PHLPP1: variants seen among roughly 807,000 people sequenced by gnomAD.
PHLPP1 encodes PH domain leucine-rich repeat-containing protein phosphatase 1.
In PHLPP1, 42 loss-of-function variants were observed where a neutral mutation model predicts 117.2. The observed-to-expected ratio is 0.36, with a 90% CI of 0.28 to 0.46. PHLPP1 has a LOEUF of 0.46. Among genes scored for constraint, PHLPP1 ranks in the 20% least tolerant of loss-of-function variants. The pLI is 1.00. For missense variants in PHLPP1, 2,084 were observed against 2,241.9 expected (o/e 0.93, Z 1.42); for synonymous variants, 1,042 against 970.7 (o/e 1.07, Z -1.37).
intron 1 of PHLPP1, among the ~76,000 whole-genome samples, chr18:62,780,743 T>G (rs1338162750): frequency 6.6e-6 from 1 of 152,228 alleles, no homozygotes; most frequent in Non-Finnish European, 1.5e-5. Context: ...GGAGAACCTC[T>G]GCTGTAGTTT....
chr18:62,868,214 T>A (rs1450594783), intron 4 of PHLPP1, among the ~76,000 whole-genome samples: 2 of 152,318 alleles, frequency 1.3e-5, no homozygotes, highest in Non-Finnish European at 2.9e-5. Flanking sequence ...GACACTTAAG[T>A]AATTACAAAG....
At chr18:62,886,293 T>G (rs953736696) in intron 4 of PHLPP1, among the ~76,000 whole-genome samples, 1 of 152,140 alleles carries the variant, frequency 6.6e-6, no homozygotes, top group East Asian at 1.9e-4. Context: ...TTTGTTTAAT[T>G]TATTTATTTT....
chr18:62,731,566 A>AT (rs1215127717), intron 1 of PHLPP1, among the ~76,000 whole-genome samples: 5 of 152,146 alleles, frequency 3.3e-5, no homozygotes, highest in Non-Finnish European at 7.3e-5. Context: ...TAGTAACCCT[A>AT]TAAAGGCCTA....
chr18:62,950,981 G>GTT (rs770050748), intron 12 of PHLPP1, among the ~76,000 whole-genome samples: 7 of 143,980 alleles, frequency 4.9e-5, no homozygotes, highest in Non-Finnish European at 6.1e-5. Flanking sequence ...ACCCAGACTA[G>GTT]TTTTTTTTTT....
chr18:62,938,335 T>G (rs1910032715), intron 10 of PHLPP1, among the ~76,000 whole-genome samples: 1 of 152,208 alleles, frequency 6.6e-6, no homozygotes, highest in African/African-American at 2.4e-5. Context: ...TTCTGGAGCC[T>G]ATTTATTTAC....
chr18:62,951,812 A>ATTTTTTT (rs34516044), intron 12 of PHLPP1, among the ~76,000 whole-genome samples: 1 of 101,422 alleles, frequency 9.9e-6, no homozygotes, highest in Admixed American at 1.1e-4. Flanking sequence ...CACATAATTA[A>ATTTTTTT]TTTTTTTTTT....
intron 1 of PHLPP1, among the ~76,000 whole-genome samples, chr18:62,761,490 G>A (rs1368030166): frequency 3.3e-5 from 5 of 151,980 alleles, no homozygotes; most frequent in African/African-American, 9.6e-5. Flanking sequence ...AAAATTAGCC[G>A]GATGTGGTGG....
chr18:62,801,456 T>A (rs2144300648), intron 1 of PHLPP1, among the ~76,000 whole-genome samples: 1 of 151,834 alleles, frequency 6.6e-6, no homozygotes, highest in South Asian at 2.1e-4. Context: ...CAGAAATTGT[T>A]AGTTAGTATA....
At chr18:62,930,497 G>C (rs493082) in intron 10 of PHLPP1, among the ~76,000 whole-genome samples, 1 of 151,896 alleles carries the variant, frequency 6.6e-6, no homozygotes, top group Admixed American at 6.6e-5. Flanking sequence ...TAAAGGGTTC[G>C]ATTCAACCAG....
chr18:62,959,187 C>T (rs1432023676), intron 13 of PHLPP1, among the ~76,000 whole-genome samples: 1 of 152,128 alleles, frequency 6.6e-6, no homozygotes, highest in Non-Finnish European at 1.5e-5. Context: ...CTATGTAAAA[C>T]CTTAAAGGTC....
At chr18:62,719,173 C>T (rs1254171365) in intron 1 of PHLPP1, among the ~76,000 whole-genome samples, 1 of 152,144 alleles carries the variant, frequency 6.6e-6, no homozygotes, top group Non-Finnish European at 1.5e-5. Flanking sequence ...CTTACATATA[C>T]TCAGATGTGT....
intron 10 of PHLPP1, among the ~76,000 whole-genome samples, chr18:62,930,503 A>T (rs75006033): frequency 6.6e-6 from 1 of 152,224 alleles, no homozygotes; most frequent in Non-Finnish European, 1.5e-5. Context: ...GTTCGATTCA[A>T]CCAGAAGATT....
At chr18:62,953,360 A>G (rs1029071664) in intron 12 of PHLPP1, among the ~76,000 whole-genome samples, 1 of 152,092 alleles carries the variant, frequency 6.6e-6, no homozygotes, top group Non-Finnish European at 1.5e-5. Context: ...TGCCACACAA[A>G]CGTTATTCTT....
At position 62,979,371 on chromosome 18, in the gene PHLPP1, G is replaced by T. The variant is rs368078737; in HGVS notation, c.5094G>T (p.Pro1698=). The change falls in exon 17 of 17, where the codon CCG becomes CCT. Residue 1698 remains proline, a synonymous_variant. Transcript: ENST00000262719. Reference sequence around the variant, plus strand: ...CGCCACCACCCCCTCAGCTCCAGCCGCAGCTGCCGCGGCACTACCAGCTGG... The same window carrying T: ...CGCCACCACCCCCTCAGCTCCAGCCTCAGCTGCCGCGGCACTACCAGCTGG... ...QQPPPPPQLQ[P]QLPRHYQLDQ... 3 of 1,549,608 alleles carry T rather than the reference G, an allele frequency of 1.9e-6. No homozygotes were observed. Among genetic ancestry groups the T allele is most frequent in the African/African-American group, 2.7e-5 (2 of 73,008 alleles).
In PHLPP1 at chr18:62,868,586, CACTCCAGCCTGAGTGACTG is replaced by C. The variant is rs1401414480; in HGVS notation, c.2066+7987_2066+8005del. On this transcript the variant is annotated intron_variant, in intron 4 of 16. Coordinates refer to ENST00000262719, the MANE Select transcript of PHLPP1 (RefSeq NM_194449.4). ...GCAGTGAGCTGAAATGGCGCCACTG[CACTCCAGCCTGAGTGACTG>C]AGCGAGACTCTGTCTCAAAAAAAAA... Among the ~76,000 whole-genome samples, 4 of 148,326 alleles carry C rather than the reference CACTCCAGCCTGAGTGACTG, an allele frequency of 2.7e-5. No homozygotes were observed. In the Admixed American group the frequency reaches 2.7e-4, roughly 10 times the overall value.
Position 62,951,900 on chromosome 18 carries a change from T to C in PHLPP1, c.3324+6629T>C, listed in dbSNP as rs541908641. ...CGCGATCTTGGCTCACTGCAAGCTC[T>C]GCCTCCCGGGTTCACGCCATTCTCC... is the stretch of plus-strand genomic sequence containing the variant. On this transcript the variant is annotated intron_variant, in intron 12 of 16. Coordinates refer to ENST00000262719, the MANE Select transcript of PHLPP1 (RefSeq NM_194449.4). Among the ~76,000 whole-genome samples the C allele has an allele frequency of 7.3e-5, 11 of 150,300 alleles. No individual in the cohort carries two copies. The East Asian group carries it at 1.6e-3, about 22-fold the overall frequency.
intron 4 of PHLPP1, among the ~76,000 whole-genome samples, chr18:62,868,621 CAAA>C (rs35943627): frequency 3.9e-4 from 26 of 67,258 alleles, no homozygotes; most frequent in South Asian, 2.4e-3. Flanking sequence ...GACTCTGTCT[CAAA>C]AAAAAAAAAA....
At chr18:62,964,194 T>C (rs894835722) in intron 14 of PHLPP1, among the ~76,000 whole-genome samples, 7 of 152,156 alleles carry the variant, frequency 4.6e-5, no homozygotes, top group Non-Finnish European at 2.9e-5. Context: ...CACAGAAGTA[T>C]TGTAAGGAAG....
chr18:62,833,338 T>A (rs1471022599), intron 2 of PHLPP1, among the ~76,000 whole-genome samples: 2 of 152,216 alleles, frequency 1.3e-5, no homozygotes, highest in African/African-American at 2.4e-5. Context: ...CCTCCCATAG[T>A]GCTGGGATTA....
Sources: allele counts gnomAD v4.1 joint callset (sites outside exome capture counted in the v4.1 genomes callset), GRCh38; gene constraint gnomAD v4.1.1; transcripts MANE v1.5; gene names NCBI Gene and HGNC (gene_info 2026-07-23, HGNC 2026-07-21).